PTPRD: variants seen among roughly 807,000 people sequenced by gnomAD.
PTPRD encodes receptor-type tyrosine-protein phosphatase delta.
In PTPRD, 34 loss-of-function variants were observed where a neutral mutation model predicts 214.5. The ratio of observed to expected loss-of-function variants is 0.16; its 90% CI spans 0.12 to 0.21. The LOEUF is 0.21. PTPRD is among the 10% of genes least tolerant of loss of function. The pLI is 1.00. For missense variants in PTPRD, 2,545 were observed against 2,398.7 expected (o/e 1.06, Z -1.27); for synonymous variants, 1,128 against 845.7 (o/e 1.33, Z -5.79).
intron 14 of PTPRD, among the ~76,000 whole-genome samples, chr9:8,531,678 C>A (rs1417730171): frequency 6.6e-6 from 1 of 152,028 alleles, no homozygotes; most frequent in African/African-American, 2.4e-5. Flanking sequence ...TGTTTAAGTA[C>A]TAGTTACATT....
intron 2 of PTPRD, among the ~76,000 whole-genome samples, chr9:10,505,447 A>C (rs2061342136): frequency 6.6e-6 from 1 of 152,194 alleles, no homozygotes; most frequent in African/African-American, 2.4e-5. Context: ...TTGTGTTCTC[A>C]AAGAATAGAC....
chr9:10,029,352 C>T lies in PTPRD; in HGVS notation c.-472+4366G>A, dbSNP rs574797152. Among the ~76,000 whole-genome samples the T allele has an allele frequency of 2.8e-3, 427 of 152,252 alleles. 1 individual carries two copies. Among genetic ancestry groups the T allele is most frequent in the Non-Finnish European group, 4.9e-3 (334 of 68,006 alleles). On this transcript the variant is annotated intron_variant, in intron 4 of 45. Coordinates refer to ENST00000381196, the MANE Select transcript of PTPRD (RefSeq NM_002839.4). ...GAGAAGAGAGCCACCATCCTCCAGA[C>T]CCCAGAATGGTAGATCCACTGACAC...
intron 3 of PTPRD, among the ~76,000 whole-genome samples, chr9:10,258,160 G>A (rs953832177): frequency 3.9e-5 from 6 of 152,114 alleles, no homozygotes; most frequent in African/African-American, 7.2e-5. Flanking sequence ...ATCCTTTCTC[G>A]TCTAAACTAG....
rs959381026 is a variant in PTPRD at position 9,165,393 on chromosome 9, C to T, written c.-143+17911G>A. 7.9e-5 allele frequency among the ~76,000 whole-genome samples: 12 copies of T among 152,210 alleles called. No homozygotes were observed. In the South Asian group the frequency reaches 1.5e-3, roughly 18 times the overall value. On this transcript the variant is annotated intron_variant, in intron 10 of 45. Transcript: ENST00000381196. ...GAGAATTAGGTCTTCTCCGGAGAAA[C>T]AAAGTCAGATGAGAAATAGCATTCT...
At chr9:9,450,950 TACACAC>T (rs145703989) in intron 8 of PTPRD, among the ~76,000 whole-genome samples, 23 of 136,680 alleles carry the variant, frequency 1.7e-4, no homozygotes, top group African/African-American at 3.6e-4. Context: ...CATACATACA[TACACAC>T]ACACACACAC....
intron 3 of PTPRD, among the ~76,000 whole-genome samples, chr9:10,205,004 C>G (rs1300438868): frequency 1.3e-5 from 2 of 150,790 alleles, no homozygotes; most frequent in African/African-American, 4.9e-5. Context: ...ACTTTGAATG[C>G]TATAATTCTA....
Position 10,152,877 on chromosome 9 carries a change from G to C in PTPRD, c.-544-119087C>G, listed in dbSNP as rs531822846. Among the ~76,000 whole-genome samples the C allele has an allele frequency of 2.0e-5, 3 of 152,094 alleles. No homozygotes were observed. The East Asian group carries it at 5.8e-4, about 29-fold the overall frequency. On this transcript the variant is annotated intron_variant, in intron 3 of 45. Coordinates refer to ENST00000381196, the MANE Select transcript of PTPRD (RefSeq NM_002839.4). ...TGACATTTGTGACAGCATGGATGAA[G>C]CTGGAGAACATTTTATTTACTAAGT...
At chr9:9,384,388 G>C (rs901465693) in intron 9 of PTPRD, among the ~76,000 whole-genome samples, 4 of 57,234 alleles carry the variant, frequency 7.0e-5, no homozygotes, top group African/African-American at 1.9e-4. Context: ...TTTTTTTCTG[G>C]TGGGTCAACA....
At chr9:10,185,818 T>A (rs942433081) in intron 3 of PTPRD, among the ~76,000 whole-genome samples, 6 of 151,908 alleles carry the variant, frequency 3.9e-5, no homozygotes, top group Non-Finnish European at 7.4e-5. Flanking sequence ...CTGGGAAGCA[T>A]CATAACATTC....
intron 39 of PTPRD, among the ~76,000 whole-genome samples, chr9:8,355,993 A>C (rs1028790647): frequency 1.3e-5 from 2 of 152,250 alleles, no homozygotes; most frequent in African/African-American, 4.8e-5. Context: ...ACATACACAT[A>C]AATTTAAAAA....
chr9:10,495,872 C>G (rs1204272866), intron 2 of PTPRD, among the ~76,000 whole-genome samples: 1 of 151,492 alleles, frequency 6.6e-6, no homozygotes, highest in East Asian at 1.9e-4. Context: ...GTTAAATTTA[C>G]TGATTGGGAG....
Position 9,815,840 on chromosome 9 carries a change from G to A in PTPRD, c.-367-48989C>T, listed in dbSNP as rs148223433. Among the ~76,000 whole-genome samples, 9 of 152,280 alleles carry A rather than the reference G, an allele frequency of 5.9e-5. 1 individual carries two copies. In the South Asian group the frequency reaches 1.7e-3, roughly 28 times the overall value. On this transcript the variant is annotated intron_variant, in intron 5 of 45. Transcript: ENST00000381196. The stretch of plus-strand genomic sequence containing the variant: ...GGATTTAATGTATGACATGGTGACT[G>A]TAGTTAGTAACACTGTATTTTTTAC...
intron 9 of PTPRD, among the ~76,000 whole-genome samples, chr9:9,271,638 G>A (rs1300905738): frequency 6.6e-6 from 1 of 151,372 alleles, no homozygotes; most frequent in South Asian, 2.1e-4. Flanking sequence ...GCAACTCAGA[G>A]AATTTCTATA....
chr9:9,399,768 G>C (rs2069452059), intron 8 of PTPRD, among the ~76,000 whole-genome samples: 1 of 151,978 alleles, frequency 6.6e-6, no homozygotes, highest in Non-Finnish European at 1.5e-5. Flanking sequence ...ACATGACTTT[G>C]CTCCTCATTC....
At chr9:8,990,401 C>A (rs2099361754) in intron 11 of PTPRD, among the ~76,000 whole-genome samples, 2 of 152,098 alleles carry the variant, frequency 1.3e-5, no homozygotes, top group African/African-American at 4.8e-5. Flanking sequence ...TCACAGAGAG[C>A]AGGGACTGAA....
chr9:9,036,046 G>A (rs775666289), intron 10 of PTPRD, among the ~76,000 whole-genome samples: 13 of 151,958 alleles, frequency 8.6e-5, no homozygotes, highest in Middle Eastern at 3.2e-3. Context: ...AACTTCACTA[G>A]GTTATTTTTC....
intron 8 of PTPRD, among the ~76,000 whole-genome samples, chr9:9,567,014 C>G (rs185735081): frequency 6.6e-6 from 1 of 151,720 alleles, no homozygotes; most frequent in Non-Finnish European, 1.5e-5. Context: ...AGTCCATTGC[C>G]GAGAGAGGTC....
intron 5 of PTPRD, among the ~76,000 whole-genome samples, chr9:9,871,199 A>G (rs1251501476): frequency 1.3e-5 from 2 of 152,192 alleles, no homozygotes; most frequent in African/African-American, 2.4e-5. Flanking sequence ...AGAAATTACA[A>G]TATAAAATAG....
At chr9:8,774,158 C>T (rs1402541371) in intron 11 of PTPRD, among the ~76,000 whole-genome samples, 1 of 152,158 alleles carries the variant, frequency 6.6e-6, no homozygotes, top group Non-Finnish European at 1.5e-5. Context: ...TACAGGGTGT[C>T]AAAAAGTTGG....
Sources: allele counts gnomAD v4.1 joint callset (sites outside exome capture counted in the v4.1 genomes callset), GRCh38; gene constraint gnomAD v4.1.1; transcripts MANE v1.5; gene names NCBI Gene and HGNC (gene_info 2026-07-23, HGNC 2026-07-21).